The following GPHN variants were observed in gnomAD, a reference collection of about 807,000 sequenced individuals.
The protein encoded by GPHN is gephyrin.
Under a neutral mutation model 95.5 loss-of-function variants are expected in GPHN, and 17 were observed. The observed-to-expected ratio is 0.18, with a 90% CI of 0.12 to 0.27. The LOEUF is 0.27. Ranked by LOEUF, GPHN falls within the 10% of genes least tolerant of loss-of-function variation. The probability of loss-of-function intolerance (pLI) is 1.00; values close to 1 mark genes in which losing one functional copy is unlikely to be tolerated. For missense variants in GPHN, 660 were observed against 978.1 expected (o/e 0.67, Z 4.34); for synonymous variants, 320 against 322.5 (o/e 0.99, Z 0.08).
At chr14:67,689,900 GCAC>G in the GPHN span, among the ~76,000 whole-genome samples, 1 of 151,804 alleles carries the variant, frequency 6.6e-6, no homozygotes, top group Non-Finnish European at 1.5e-5. Context: ...AGCCGAGATT[GCAC>G]CATTGCACTC....
intron 4 of GPHN, among the ~76,000 whole-genome samples, chr14:66,834,120 T>G (rs2061693712): frequency 6.6e-6 from 1 of 152,186 alleles, no homozygotes; most frequent in African/African-American, 2.4e-5. Context: ...CTTGTCCTAA[T>G]TTTGCTCTTG....
At chr14:67,491,918 G>A in the GPHN span, among the ~76,000 whole-genome samples, 1,924 of 152,318 alleles carry the variant, frequency 0.013, 25 homozygotes, top group Non-Finnish European at 0.015. Context: ...GCATGGGGAA[G>A]GTGCATGGAG....
intron 1 of GPHN, among the ~76,000 whole-genome samples, chr14:66,531,412 G>C (rs2058933715): frequency 6.6e-6 from 1 of 152,082 alleles, no homozygotes; most frequent in South Asian, 2.1e-4. Context: ...TCCAGCCTGG[G>C]CTACAAGAGT....
At chr14:67,531,317 G>A in the GPHN span, among the ~76,000 whole-genome samples, 1 of 152,052 alleles carries the variant, frequency 6.6e-6, no homozygotes, top group African/African-American at 2.4e-5. Context: ...GTTGTAACTT[G>A]CCCAAGTCAC....
chr14:66,649,367 C>A (rs530031596), intron 1 of GPHN, among the ~76,000 whole-genome samples: 6 of 151,896 alleles, frequency 4.0e-5, no homozygotes, highest in African/African-American at 1.4e-4. Flanking sequence ...CAGGGGTCCC[C>A]GACCCCCGGA....
the GPHN span, chr14:67,392,628 C>T: frequency 6.3e-7 from 1 of 1,580,778 alleles, no homozygotes; most frequent in South Asian, 1.1e-5. Context: ...TAACTTTTGC[C>T]CTGGTGGCAA....
the GPHN span, among the ~76,000 whole-genome samples, chr14:67,681,118 G>A: frequency 3.9e-5 from 6 of 152,266 alleles, no homozygotes; most frequent in South Asian, 8.3e-4. Flanking sequence ...TCATCAGGGC[G>A]GGGCCCTAAT....
At chr14:67,414,862 T>A in the GPHN span, among the ~76,000 whole-genome samples, 26 of 152,364 alleles carry the variant, frequency 1.7e-4, no homozygotes, top group African/African-American at 6.3e-4. Flanking sequence ...TGCTTCATTT[T>A]ATAAATGAGG....
the GPHN span, among the ~76,000 whole-genome samples, chr14:67,477,839 C>G: frequency 6.6e-6 from 1 of 152,166 alleles, no homozygotes; most frequent in African/African-American, 2.4e-5. Flanking sequence ...ACCCCCACCC[C>G]AATTAATGGC....
chr14:67,391,271 A>ATGTATGTGTG, the GPHN span, among the ~76,000 whole-genome samples: 3 of 143,800 alleles, frequency 2.1e-5, no homozygotes, highest in African/African-American at 7.8e-5. Flanking sequence ...AGCAGCTGAT[A>ATGTATGTGTG]TGTGTGTGTG....
chr14:67,095,535 T>C (rs1185446082), intron 12 of GPHN, among the ~76,000 whole-genome samples: 1 of 152,068 alleles, frequency 6.6e-6, no homozygotes, highest in Non-Finnish European at 1.5e-5. Context: ...AAGCCAAATG[T>C]CCAACAATGA....
chr14:67,301,912 A>G, the GPHN span: 21 of 1,524,170 alleles, frequency 1.4e-5, no homozygotes, highest in African/African-American at 2.5e-4. Context: ...TAGGTTAAAA[A>G]TCACTCTGCA....
At chr14:66,881,623 C>G (rs8022437) in intron 5 of GPHN, among the ~76,000 whole-genome samples, 2 of 151,678 alleles carry the variant, frequency 1.3e-5, no homozygotes, top group Non-Finnish European at 3.0e-5. Context: ...TTATTTCTTG[C>G]AACTGTTAAG....
chr14:67,428,143 A>G, the GPHN span, among the ~76,000 whole-genome samples: 1 of 151,976 alleles, frequency 6.6e-6, no homozygotes, highest in Non-Finnish European at 1.5e-5. Context: ...GGTGTCAAAC[A>G]CCTGACCTCA....
At chr14:66,718,450 C>T (rs1446335680) in intron 2 of GPHN, among the ~76,000 whole-genome samples, 3 of 152,094 alleles carry the variant, frequency 2.0e-5, no homozygotes, top group Non-Finnish European at 4.4e-5. Flanking sequence ...AGTGCGGACC[C>T]AAACAGTGAG....
chr14:67,571,384 G>A, the GPHN span: 1 of 205,486 alleles, frequency 4.9e-6, no homozygotes, highest in Non-Finnish European at 1.0e-5. Context: ...CAATGGAGAT[G>A]CAATCATTGA....
At chr14:67,129,325 G>A (rs1367912845) in intron 17 of GPHN, among the ~76,000 whole-genome samples, 2 of 152,050 alleles carry the variant, frequency 1.3e-5, no homozygotes, top group Admixed American at 1.3e-4. Flanking sequence ...ATCTAAGTAA[G>A]AGCTATTAAT....
chr14:67,599,819 T>C, the GPHN span, among the ~76,000 whole-genome samples: 1 of 152,102 alleles, frequency 6.6e-6, no homozygotes, highest in African/African-American at 2.4e-5. Context: ...GAATGTACTA[T>C]CCAGGAGCAC....
chr14:67,083,567 C>G (rs1234852728), intron 11 of GPHN, among the ~76,000 whole-genome samples: 1 of 152,128 alleles, frequency 6.6e-6, no homozygotes, highest in Non-Finnish European at 1.5e-5. Flanking sequence ...TTCTTTATAG[C>G]AGTGCAAGAA....
Sources: gnomAD v4.1 joint callset for allele counts (sites outside exome capture counted in the v4.1 genomes callset) on GRCh38, gnomAD v4.1.1 for gene constraint, MANE v1.5 for transcripts, NCBI Gene and HGNC (gene_info 2026-07-23, HGNC 2026-07-21) for gene names.